Variants in HDAC8 observed in about 807,000 individuals in gnomAD.
The protein encoded by HDAC8 is histone deacetylase 8, also known as histone deacetylase-like 1.
A neutral mutation model predicts 32.2 loss-of-function variants in HDAC8; 1 was observed. That is an observed-to-expected ratio of 0.03 (90% CI 0.01 to 0.15). The LOEUF (loss-of-function observed/expected upper bound fraction) is 0.15, where lower values mean the gene tolerates loss of function less well. HDAC8 is among the 10% of genes least tolerant of loss of function. The pLI is 1.00. For synonymous variants in HDAC8, 108 were observed against 113.9 expected (o/e 0.95, Z 0.33); for missense variants, 117 against 300.0 (o/e 0.39, Z 4.51).
At chrX:72,515,596 G>GT (rs1230266337) in intron 4 of HDAC8, among the ~76,000 whole-genome samples, 1 of 79,598 alleles carries the variant, frequency 1.3e-5, no homozygotes, top group Non-Finnish European at 2.4e-5. Flanking sequence ...GTGGGGGGGG[G>GT]GTGGGGGGGA....
intron 7 of HDAC8, among the ~76,000 whole-genome samples, chrX:72,480,283 T>A (rs1475323444): frequency 8.9e-6 from 1 of 112,568 alleles, no homozygotes; most frequent in African/African-American, 3.2e-5. Flanking sequence ...ATCAAGGTAG[T>A]GTAGCTGTGA....
intron 4 of HDAC8, among the ~76,000 whole-genome samples, chrX:72,524,643 T>C (rs1244491134): frequency 9.0e-6 from 1 of 111,409 alleles, no homozygotes; most frequent in Non-Finnish European, 1.9e-5. Flanking sequence ...CCCGTGATTG[T>C]TAGCTACTAC....
rs183063933 is a variant in HDAC8 at position 72,353,153 on chromosome X, T to C, written c.1006-1315A>G. 4.4e-4 allele frequency among the ~76,000 whole-genome samples: 49 copies of C among 112,199 alleles called. 1 individual carries two copies. The East Asian group carries it at 0.013, about 30-fold the overall frequency. On this transcript the variant is annotated intron_variant, in intron 9 of 10. Coordinates refer to ENST00000373573, the MANE Select transcript of HDAC8 (RefSeq NM_018486.3). ...ATTGCCATTGTCACCAAATTATCCT[T>C]GTTAAGAGTCTGAATGTACATCTGG...
At chrX:72,469,378 G>A (rs782308174) in intron 7 of HDAC8, among the ~76,000 whole-genome samples, 6 of 111,510 alleles carry the variant, frequency 5.4e-5, no homozygotes, top group South Asian at 3.8e-4. Flanking sequence ...GCCTAGACTC[G>A]AACTCCTGGG....
In HDAC8 at chrX:72,329,606, C is replaced by G. The variant is rs2043462118; in HGVS notation, c.*448G>C. The stretch of plus-strand genomic sequence containing the variant: ...TCTCCCCACCTCCCAGTCTGCTGAT[C>G]AGTACCCTCTCTCCCAGGGCTCCAC... On this transcript the variant is annotated 3_prime_UTR_variant, in exon 11 of 11. Transcript: ENST00000373573. The G allele has an allele frequency of 1.8e-6, 2 of 1,120,702 alleles. No individual in the cohort carries two copies. The highest frequency in any genetic ancestry group is 2.4e-6 in the Non-Finnish European group (2 of 832,640). 92.4% of individuals were successfully genotyped at this position (1,120,702 alleles called of 1,213,427 possible).
At chrX:72,535,760 C>A (rs1445445558) in intron 4 of HDAC8, among the ~76,000 whole-genome samples, 1 of 111,680 alleles carries the variant, frequency 9.0e-6, no homozygotes, top group East Asian at 2.8e-4. Flanking sequence ...TTAAGGAACT[C>A]AGGTAAATCC....
At chrX:72,347,710 T>G (rs782714091) in intron 10 of HDAC8, among the ~76,000 whole-genome samples, 41 of 112,378 alleles carry the variant, frequency 3.6e-4, no homozygotes, top group African/African-American at 1.3e-3. Context: ...AGGTTCACCG[T>G]GAGCCAGTTC....
rs782743611 is a variant in HDAC8 at position 72,572,698 on chromosome X, G to T, written c.64C>A (p.Pro22Thr). The T allele has an allele frequency of 8.3e-7, 1 of 1,208,247 alleles. No homozygotes were observed. Among genetic ancestry groups the T allele is most frequent in the South Asian group, 1.8e-5 (1 of 56,713 alleles). ...GAGTCACACATACTGACATACTCGG[G>T]ACTATAGATATAAACCGGGACCAGC... is the stretch of plus-strand genomic sequence containing the variant. Reference protein sequence around the residue: ...QSLVPVYIYSPEYVSMCDSLA... With the variant: ...QSLVPVYIYSTEYVSMCDSLA... Residue 22 changes from proline to threonine, a missense_variant, in exon 1 of 11, where the codon CCC becomes ACC. Pro to Thr is a conservative substitution (Grantham distance 38, BLOSUM62 -1). Transcript: ENST00000373573.
chrX:72,540,922 A>G (rs1299072830), intron 4 of HDAC8, among the ~76,000 whole-genome samples: 1 of 111,314 alleles, frequency 9.0e-6, no homozygotes, highest in Non-Finnish European at 1.9e-5. Context: ...CCATTCCCCA[A>G]CAATACGAGC....
chrX:72,571,132 G>A (rs940204069), intron 2 of HDAC8, among the ~76,000 whole-genome samples: 6 of 110,491 alleles, frequency 5.4e-5, no homozygotes. Flanking sequence ...CACCGTGTTA[G>A]CCAGGATGGT....
chrX:72,428,295 C>T (rs57083502), intron 9 of HDAC8, among the ~76,000 whole-genome samples: 27,513 of 111,327 alleles, frequency 0.25, 6,005 homozygotes, highest in East Asian at 0.74. Flanking sequence ...GGTTTCACCA[C>T]GTTGGTCAGG....
chrX:72,556,673 G>A (rs1008356962), intron 4 of HDAC8, among the ~76,000 whole-genome samples: 3 of 111,956 alleles, frequency 2.7e-5, no homozygotes, highest in African/African-American at 9.7e-5. Flanking sequence ...ATTATATAAT[G>A]ATAAAAGGAC....
intron 9 of HDAC8, among the ~76,000 whole-genome samples, chrX:72,357,915 T>C (rs2044421127): frequency 9.0e-6 from 1 of 110,757 alleles, no homozygotes; most frequent in African/African-American, 3.3e-5. Flanking sequence ...TTTCTTTCTT[T>C]TTTTTTTTAG....
chrX:72,492,608 T>C (rs1190570851), intron 5 of HDAC8, among the ~76,000 whole-genome samples: 1 of 109,588 alleles, frequency 9.1e-6, no homozygotes, highest in African/African-American at 3.3e-5. Context: ...GTAAGGGAGG[T>C]GCTGAAGAGG....
chrX:72,381,215 T>C (rs782784065), intron 9 of HDAC8, among the ~76,000 whole-genome samples: 48 of 112,296 alleles, frequency 4.3e-4, no homozygotes, highest in Admixed American at 7.6e-4. Flanking sequence ...TTTGCTATAC[T>C]ACCTGTCTTT....
chrX:72,424,909 C>T (rs1413750162), intron 9 of HDAC8, among the ~76,000 whole-genome samples: 2 of 112,205 alleles, frequency 1.8e-5, no homozygotes, highest in African/African-American at 6.5e-5. Context: ...CATTTTAAGG[C>T]TGAATAATAT....
intron 9 of HDAC8, among the ~76,000 whole-genome samples, chrX:72,363,300 A>G (rs1357879763): frequency 8.9e-6 from 1 of 112,250 alleles, no homozygotes; most frequent in Non-Finnish European, 1.9e-5. Context: ...GGTTTTTTAC[A>G]TCAAATTTTC....
chrX:72,380,337 T>G (rs2045234118), intron 9 of HDAC8, among the ~76,000 whole-genome samples: 1 of 111,671 alleles, frequency 9.0e-6, no homozygotes, highest in African/African-American at 3.3e-5. Context: ...TCATGCCTAA[T>G]AAAAAAAGCC....
intron 4 of HDAC8, among the ~76,000 whole-genome samples, chrX:72,522,104 C>A (rs2050001111): frequency 8.9e-6 from 1 of 112,195 alleles, no homozygotes; most frequent in Admixed American, 9.4e-5. Flanking sequence ...ACCCAACAGG[C>A]ACACACAAAT....
Sources: gnomAD v4.1 joint callset for allele counts (sites outside exome capture counted in the v4.1 genomes callset) on GRCh38, gnomAD v4.1.1 for gene constraint, MANE v1.5 for transcripts, NCBI Gene and HGNC (gene_info 2026-07-23, HGNC 2026-07-21) for gene names.